INTU: variants seen among roughly 807,000 people sequenced by gnomAD.
The protein encoded by INTU is protein inturned.
Under a neutral mutation model 100.5 loss-of-function variants are expected in INTU, and 68 were observed. The observed-to-expected ratio is 0.68, with a 90% CI of 0.56 to 0.83. INTU has a LOEUF of 0.83. Ranked by LOEUF, INTU falls within the 40% of genes least tolerant of loss-of-function variation. The pLI, the probability that INTU is intolerant of heterozygous loss-of-function variation, is 0.00. For missense variants in INTU, 1,071 were observed against 1,114.7 expected (o/e 0.96, Z 0.56); for synonymous variants, 357 against 395.7 (o/e 0.90, Z 1.16).
chr4:127,671,584 C>T (rs1728929150), intron 5 of INTU, among the ~76,000 whole-genome samples: 2 of 151,916 alleles, frequency 1.3e-5, no homozygotes. Flanking sequence ...AATAGAACTA[C>T]AATTTGATCC....
Position 127,635,467 on chromosome 4 carries a change from C to T in INTU, c.146+2287C>T, listed in dbSNP as rs1727028023. On this transcript the variant is annotated intron_variant, in intron 1 of 15. Coordinates refer to ENST00000335251, the MANE Select transcript of INTU (RefSeq NM_015693.4). The stretch of plus-strand genomic sequence containing the variant: ...TACAGAGAGTTTGTCAATGTTGTGA[C>T]TTGGATTTTTAATTTTTCAAAGTGA... 2.0e-5 allele frequency among the ~76,000 whole-genome samples: 3 copies of T among 152,108 alleles called. No homozygotes were observed. The South Asian group carries it at 6.2e-4, about 31-fold the overall frequency.
In INTU at chr4:127,664,928, A is replaced by G. The variant is rs1417206857; in HGVS notation, c.972+1344A>G. Among the ~76,000 whole-genome samples the G allele has an allele frequency of 5.3e-5, 8 of 150,928 alleles. No individual in the cohort carries two copies. The South Asian group carries it at 8.4e-4, about 16-fold the overall frequency. ...TTTTTCTGTGATATTTTTCTTACCT[A>G]TTTTTCGTTGCTTGTATCATTATTC... On this transcript the variant is annotated intron_variant, in intron 4 of 15. Transcript: ENST00000335251.
In INTU at chr4:127,706,628, G is replaced by A; in HGVS notation, c.1930G>A (p.Glu644Lys). The change falls in exon 12 of 16, where the codon GAA becomes AAA. Residue 644 changes from glutamate to lysine, a missense_variant. Transcript: ENST00000335251. ...GGATGGAGTAGATTCTCGCATAGAT[G>A]AACGGCTAGCATCTTCTCCAGTCCC... Reference protein sequence around the residue: ...QLDGVDSRIDERLASSPVPCL... With the variant: ...QLDGVDSRIDKRLASSPVPCL... The A allele has an allele frequency of 6.2e-7, 1 of 1,614,076 alleles. No homozygotes were observed. The highest frequency in any genetic ancestry group is 2.2e-5 in the East Asian group (1 of 44,882).
At chr4:127,702,423 G>A (rs1281941432) in intron 9 of INTU, among the ~76,000 whole-genome samples, 2 of 152,168 alleles carry the variant, frequency 1.3e-5, no homozygotes, top group Non-Finnish European at 2.9e-5. Flanking sequence ...TAGCCAAAAA[G>A]TGGAAACAAC....
chr4:127,650,394 C>A (rs2126185142), intron 2 of INTU, among the ~76,000 whole-genome samples: 1 of 130,604 alleles, frequency 7.7e-6, no homozygotes, highest in South Asian at 2.6e-4. Context: ...CCACCACAGT[C>A]CCCAGAGTGT....
In INTU at chr4:127,643,576, T is replaced by C; in HGVS notation, c.202T>C (p.Leu68=). The part of the protein sequence containing the change: ...SVQKNGELFY[L]ELSEDEEESL... ...GCAGAAAAATGGAGAGCTGTTTTAT[T>C]TGGAATTGAGTGAGGATGAAGAAGA... Residue 68 remains leucine, a synonymous_variant, in exon 2 of 16, where the codon TTG becomes CTG. Transcript: ENST00000335251. 6.2e-7 allele frequency: 1 copy of C among 1,611,444 alleles called. No individual in the cohort carries two copies. Among genetic ancestry groups the C allele is most frequent in the Admixed American group, 1.7e-5 (1 of 59,112 alleles).
At chr4:127,675,630 G>A (rs1203589250) in intron 6 of INTU, among the ~76,000 whole-genome samples, 1 of 152,174 alleles carries the variant, frequency 6.6e-6, no homozygotes, top group Non-Finnish European at 1.5e-5. Flanking sequence ...GTTGGCCAGG[G>A]ATAGACTTAT....
In INTU at chr4:127,687,878, G is replaced by A. The variant is rs1729902094; in HGVS notation, c.1449+11G>A. 1 of 1,551,066 alleles carries A rather than the reference G, an allele frequency of 6.4e-7. No homozygotes were observed. The highest frequency in any genetic ancestry group is 1.8e-5 in the Admixed American group (1 of 56,970). On this transcript the variant is annotated intron_variant, in intron 8 of 15. Transcript: ENST00000335251. ...CCACTGGAAATCAAGGTAATCTTAGGTATTATAAAGCAGAAGCAGAACCAG... is the reference window on the plus strand; with the variant it reads ...CCACTGGAAATCAAGGTAATCTTAGATATTATAAAGCAGAAGCAGAACCAG...
At position 127,657,195 on chromosome 4, in the gene INTU, G is replaced by A. The variant is rs1728270808; in HGVS notation, c.768+474G>A. On this transcript the variant is annotated intron_variant, in intron 3 of 15. Transcript: ENST00000335251. ...AATTAAGCTTTTCTCCTGGACTTTTGTTTGGCTACTTAAGGAATTATTTTT... is the reference window on the plus strand; with the variant it reads ...AATTAAGCTTTTCTCCTGGACTTTTATTTGGCTACTTAAGGAATTATTTTT... Among the ~76,000 whole-genome samples, 3 of 151,808 alleles carry A rather than the reference G, an allele frequency of 2.0e-5. No individual in the cohort carries two copies. The South Asian group carries it at 6.3e-4, about 32-fold the overall frequency.
intron 9 of INTU, among the ~76,000 whole-genome samples, chr4:127,701,420 C>T (rs1044459289): frequency 2.6e-5 from 4 of 152,070 alleles, no homozygotes; most frequent in East Asian, 1.9e-4. Context: ...TATGAGACAA[C>T]GAATCTCATA....
At chr4:127,658,286 G>A (rs965968246) in intron 3 of INTU, among the ~76,000 whole-genome samples, 2 of 151,950 alleles carry the variant, frequency 1.3e-5, no homozygotes, top group African/African-American at 4.8e-5. Flanking sequence ...AACTATGGTA[G>A]CTGAGACCAG....
intron 1 of INTU, among the ~76,000 whole-genome samples, chr4:127,640,279 A>T (rs1260706412): frequency 6.6e-6 from 1 of 151,950 alleles, no homozygotes. Flanking sequence ...GGTTAAAATC[A>T]TAATAGAACA....
intron 1 of INTU, among the ~76,000 whole-genome samples, chr4:127,641,168 C>T (rs932634683): frequency 6.6e-6 from 1 of 152,168 alleles, no homozygotes; most frequent in Admixed American, 6.5e-5. Flanking sequence ...AGCCCTCCTG[C>T]CTTGAGTCTT....
intron 5 of INTU, among the ~76,000 whole-genome samples, chr4:127,670,930 A>G (rs1383148165): frequency 6.6e-6 from 1 of 151,962 alleles, no homozygotes; most frequent in East Asian, 1.9e-4. Flanking sequence ...ATGAAACTGA[A>G]CCCATCTCTC....
chr4:127,669,045 CT>C lies in INTU; in HGVS notation c.985del (p.Tyr329IlefsTer15). ...TTGTTTCATTTAACAGCAGGAAATT[CT>C]TTATCATTATCCAATGTCTGAAGCA... ...SETSKEEQEI[L>X]YHYPMSEASQ... On this transcript the variant is annotated frameshift_variant, in exon 5 of 16. Coordinates refer to ENST00000335251, the MANE Select transcript of INTU (RefSeq NM_015693.4). LOFTEE classifies it high-confidence loss of function. 2 of 1,450,890 alleles carry C rather than the reference CT, an allele frequency of 1.4e-6. No homozygotes were observed. The highest frequency in any genetic ancestry group is 1.9e-6 in the Non-Finnish European group (2 of 1,062,846). The allele number at this position is 1,450,890 out of a possible 1,614,324, so 89.9% of individuals were successfully genotyped here.
chr4:127,653,162 C>A (rs1444272987), intron 2 of INTU, among the ~76,000 whole-genome samples: 4 of 142,830 alleles, frequency 2.8e-5, no homozygotes, highest in South Asian at 2.4e-4. Flanking sequence ...TTGATCCTTT[C>A]AAAAAACCAG....
rs1030205792 is a variant in INTU at position 127,724,425 on chromosome 4, A to C, written c.*7989A>C. The stretch of plus-strand genomic sequence containing the variant: ...ACAGAATGAGACTCCGTCTCAAAAA[A>C]AAAAAAAAAAATACTAACTTTTATC... On this transcript the variant is annotated 3_prime_UTR_variant, in exon 16 of 16. Coordinates refer to ENST00000335251, the MANE Select transcript of INTU (RefSeq NM_015693.4). The C allele has an allele frequency of 1.3e-5, 2 of 151,560 alleles. No individual in the cohort carries two copies. The highest frequency in any genetic ancestry group is 6.6e-5 in the Admixed American group (1 of 15,076). The allele number at this position is 151,560 out of a possible 1,614,324, so 9.4% of individuals were successfully genotyped here.
At chr4:127,703,089 G>A (rs144242412) in intron 9 of INTU, among the ~76,000 whole-genome samples, 27 of 152,238 alleles carry the variant, frequency 1.8e-4, no homozygotes, top group African/African-American at 6.5e-4. Context: ...TAATCATACA[G>A]TAGGTAATTT....
intron 1 of INTU, among the ~76,000 whole-genome samples, chr4:127,641,042 G>A (rs939126154): frequency 6.6e-6 from 1 of 151,670 alleles, no homozygotes; most frequent in South Asian, 2.1e-4. Flanking sequence ...CACCTAATCA[G>A]TCTCAAAGTT....
Sources: gnomAD v4.1 joint callset for allele counts (sites outside exome capture counted in the v4.1 genomes callset) on GRCh38, gnomAD v4.1.1 for gene constraint, MANE v1.5 for transcripts, NCBI Gene and HGNC (gene_info 2026-07-23, HGNC 2026-07-21) for gene names.